The following NUTF2 variants were observed in gnomAD, a reference collection of about 807,000 sequenced individuals.
The protein encoded by NUTF2 is placental protein 15.
Under a neutral mutation model 18.5 loss-of-function variants are expected in NUTF2, and 3 were observed. The observed-to-expected ratio is 0.16, with a 90% CI of 0.07 to 0.42. The LOEUF (loss-of-function observed/expected upper bound fraction) is 0.42, where lower values mean the gene tolerates loss of function less well. NUTF2 is among the 10% of genes least tolerant of loss of function. The pLI is 0.99. For missense variants in NUTF2, 44 were observed against 160.7 expected, an observed-to-expected ratio of 0.27 and a Z score of 3.93; for synonymous variants, 51 against 57.9, an observed-to-expected ratio of 0.88 and a Z score of 0.54.
At chr16:67,866,301 G>A (rs2057971075) in intron 2 of NUTF2, among the ~76,000 whole-genome samples, 1 of 150,578 alleles carries the variant, frequency 6.6e-6, no homozygotes, top group Admixed American at 6.6e-5. Context: ...CATTATCATA[G>A]TAGAGTTTTT....
rs1598173244 is a variant in NUTF2, at chr16:67,872,529, C to T, written c.*1616C>T. 6.6e-6 allele frequency: 1 copy of T among 152,232 alleles called. No individual in the cohort carries two copies. Among genetic ancestry groups the T allele is most frequent in the East Asian group, 1.9e-4 (1 of 5,200 alleles). 9.4% of individuals were successfully genotyped at this position (152,232 alleles called of 1,614,324 possible). A position where few individuals can be genotyped will look rare whatever the true frequency, so the allele number is the denominator to read the frequency against. On this transcript the variant is annotated 3_prime_UTR_variant, in exon 5 of 5. Transcript: ENST00000219169. ...CTGCAATACGGCTTCTTCCATGTAC[C>T]TGTGCCTGAACTGTCTGCAATAAAG...
chr16:67,870,783 CTT>C lies in NUTF2; in HGVS notation c.271-14_271-13del. The C allele has an allele frequency of 4.4e-6, 7 of 1,596,164 alleles. No individual in the cohort carries two copies. Among genetic ancestry groups the C allele is most frequent in the Non-Finnish European group, 6.0e-6 (7 of 1,163,882 alleles). ...TTTCTTGATCCCCTTACTGAATCCT[CTT>C]TTCTCTCCTCATAGGCGGATGAAGA... is the stretch of plus-strand genomic sequence containing the variant. On this transcript the variant is annotated splice_polypyrimidine_tract_variant and intron_variant, in intron 4 of 4. Coordinates refer to ENST00000219169, the MANE Select transcript of NUTF2 (RefSeq NM_005796.3).
At chr16:67,861,907 T>A (rs1294715342) in intron 1 of NUTF2, among the ~76,000 whole-genome samples, 1 of 152,134 alleles carries the variant, frequency 6.6e-6, no homozygotes, top group Non-Finnish European at 1.5e-5. Context: ...TCTGCACTCT[T>A]GCTTCTTTTT....
chr16:67,869,615 GT>G (rs1320220904), intron 4 of NUTF2, among the ~76,000 whole-genome samples: 2 of 151,544 alleles, frequency 1.3e-5, no homozygotes, highest in Non-Finnish European at 2.9e-5. Flanking sequence ...GAGAAACCCT[GT>G]CTCTACTAAA....
intron 1 of NUTF2, among the ~76,000 whole-genome samples, chr16:67,848,814 C>G (rs2057829713): frequency 6.6e-6 from 1 of 151,670 alleles, no homozygotes. Flanking sequence ...CAGGAGCAAG[C>G]AGAATATCAG....
In NUTF2 at chr16:67,865,169, C is replaced by T. The variant is rs1341843515; in HGVS notation, c.39C>T (p.Ser13=). 1 of 1,613,036 alleles carries T rather than the reference C, an allele frequency of 6.2e-7. No individual in the cohort carries two copies. Among genetic ancestry groups the T allele is most frequent in the Middle Eastern group, 1.9e-4 (1 of 5,392 alleles). The change falls in exon 2 of 5, where the codon AGC becomes AGT. Residue 13 remains serine (S), a synonymous_variant. Coordinates refer to ENST00000219169, the MANE Select transcript of NUTF2 (RefSeq NM_005796.3). ...CAATTTGGGAGCAGATTGGATCCAG[C>T]TTCATTCAACATTACTACCAGTTAT... is the stretch of plus-strand genomic sequence containing the variant. The part of the protein sequence containing the change: ...DKPIWEQIGS[S]FIQHYYQLFD...
At chr16:67,860,137 G>C (rs1367026115) in intron 1 of NUTF2, among the ~76,000 whole-genome samples, 1 of 151,910 alleles carries the variant, frequency 6.6e-6, no homozygotes, top group Admixed American at 6.6e-5. Context: ...CTGCCACCAC[G>C]CCCAGCTAAT....
intron 1 of NUTF2, among the ~76,000 whole-genome samples, chr16:67,860,723 G>C (rs17687442): frequency 0.034 from 5,129 of 152,304 alleles, 133 homozygotes; most frequent in Non-Finnish European, 0.047. Flanking sequence ...CCTCACTGTA[G>C]GCCATGCAAA....
chr16:67,858,931 G>A (rs2057915941), intron 1 of NUTF2, among the ~76,000 whole-genome samples: 1 of 150,380 alleles, frequency 6.6e-6, no homozygotes, highest in Non-Finnish European at 1.5e-5. Context: ...GGACCTCCCT[G>A]GCTCAAGCCA....
intron 1 of NUTF2, among the ~76,000 whole-genome samples, chr16:67,861,576 G>A (rs903817113): frequency 6.6e-6 from 1 of 152,178 alleles, no homozygotes; most frequent in Non-Finnish European, 1.5e-5. Flanking sequence ...GTCAGTGAAG[G>A]CTGGTGTTCA....
chr16:67,863,385 C>A (rs2057947482), intron 1 of NUTF2, among the ~76,000 whole-genome samples: 1 of 152,134 alleles, frequency 6.6e-6, no homozygotes, highest in African/African-American at 2.4e-5. Flanking sequence ...ATAAAGCTGG[C>A]TTAGCTTCCT....
intron 1 of NUTF2, among the ~76,000 whole-genome samples, chr16:67,856,796 C>T (rs2057901098): frequency 3.9e-5 from 6 of 152,154 alleles, no homozygotes; most frequent in Admixed American, 3.9e-4. Context: ...AGGCATGAGC[C>T]ACTGTGCCCG....
chr16:67,867,756 G>A (rs1034612670), intron 2 of NUTF2, among the ~76,000 whole-genome samples: 16 of 152,122 alleles, frequency 1.1e-4, no homozygotes, highest in East Asian at 9.7e-4. Flanking sequence ...GTGCGATTTC[G>A]GCTCGCTACA....
At position 67,868,392 on chromosome 16, in the gene NUTF2, C is replaced by T; in HGVS notation, c.152C>T (p.Ala51Val). Reference sequence around the variant, plus strand: ...GGACAACAGTTCCAGGGGAAAGCTGCCATTGTGGAGAAGTTGTCTGTAAGT... The same window carrying T: ...GGACAACAGTTCCAGGGGAAAGCTGTCATTGTGGAGAAGTTGTCTGTAAGT... The part of the protein sequence containing the change: ...WEGQQFQGKA[A>V]IVEKLSSLPF... The change falls in exon 3 of 5, where the codon GCC (alanine) becomes GTC (valine). Residue 51 changes from alanine (A) to valine (V), a missense_variant. Coordinates refer to ENST00000219169, the MANE Select transcript of NUTF2 (RefSeq NM_005796.3). 6.2e-7 allele frequency: 1 copy of T among 1,614,124 alleles called. No homozygotes were observed. Among genetic ancestry groups the T allele is most frequent in the Non-Finnish European group, 8.5e-7 (1 of 1,180,022 alleles).
At chr16:67,870,697 G>A in intron 4 of NUTF2, 103 bp from the exon 5 acceptor site, 1 of 859,674 alleles carries the variant, frequency 1.2e-6, no homozygotes, top group Non-Finnish European at 2.0e-6. Flanking sequence ...AGGACAGTAG[G>A]GCCTGATCCT....
At chr16:67,858,638 G>T (rs750534581) in intron 1 of NUTF2, among the ~76,000 whole-genome samples, 13 of 152,178 alleles carry the variant, frequency 8.5e-5, no homozygotes, top group Non-Finnish European at 1.8e-4. Context: ...TCCAGATAGA[G>T]GAAATTGCCT....
rs1271132960 is a variant in NUTF2 at position 67,871,502 on chromosome 16, C to T, written c.*589C>T. Reference sequence around the variant, plus strand: ...CCGTGTAGGGCAGTTCTCTCCCACTCCACAGGGCGACTGGTCTTTGGAAAG... The same window carrying T: ...CCGTGTAGGGCAGTTCTCTCCCACTTCACAGGGCGACTGGTCTTTGGAAAG... On this transcript the variant is annotated 3_prime_UTR_variant, in exon 5 of 5. Coordinates refer to ENST00000219169, the MANE Select transcript of NUTF2 (RefSeq NM_005796.3). 2 of 152,280 alleles carry T rather than the reference C, an allele frequency of 1.3e-5. No individual in the cohort carries two copies. Among genetic ancestry groups the T allele is most frequent in the African/African-American group, 2.4e-5 (1 of 41,418 alleles). The allele number at this position is 152,280 out of a possible 1,614,324, so 9.4% of individuals were successfully genotyped here.
intron 1 of NUTF2, among the ~76,000 whole-genome samples, chr16:67,863,529 T>TA (rs1473445160): frequency 1.3e-5 from 2 of 152,310 alleles, no homozygotes; most frequent in Admixed American, 6.5e-5. Context: ...AGCTAGCACT[T>TA]ACCATGTTGA....
Position 67,871,150 on chromosome 16 carries a change from CAAAAGGT to C in NUTF2, c.*238_*244del. The C allele has an allele frequency of 3.1e-6, 1 of 320,618 alleles. No homozygotes were observed. 19.9% of individuals were successfully genotyped at this position (320,618 alleles called of 1,614,324 possible). A position where few individuals can be genotyped will look rare whatever the true frequency, so the allele number is the denominator to read the frequency against. On this transcript the variant is annotated 3_prime_UTR_variant, in exon 5 of 5. Transcript: ENST00000219169. ...ATGCCTTGGAAAGACTTAAGTAATG[CAAAAGGT>C]TGTCCTTTTTTTTTTTTTTTTTTTT... is the stretch of plus-strand genomic sequence containing the variant.
Sources: allele counts gnomAD v4.1 joint callset (sites outside exome capture counted in the v4.1 genomes callset), GRCh38; gene constraint gnomAD v4.1.1; transcripts MANE v1.5; gene names NCBI Gene and HGNC (gene_info 2026-07-23, HGNC 2026-07-21).